The following QTMAN variants were observed in gnomAD, a reference collection of about 807,000 sequenced individuals.
QTMAN encodes queuosine-tRNA mannosyltransferase, also known as tRNA-queuosine alpha-mannosyltransferase.
the QTMAN span, chr2:143,957,340 CTT>C: frequency 6.4e-7 from 1 of 1,573,854 alleles, no homozygotes; most frequent in East Asian, 2.2e-5. Context: ...GAAAAAATAT[CTT>C]TTAAAAACAA....
chr2:144,046,293 T>C, the QTMAN span, among the ~76,000 whole-genome samples: 1 of 152,218 alleles, frequency 6.6e-6, no homozygotes, highest in African/African-American at 2.4e-5. Flanking sequence ...CAAAAGGAAA[T>C]AGCTAAATAA....
chr2:144,332,182 T>TG, the QTMAN span, among the ~76,000 whole-genome samples: 152,122 of 152,124 alleles, frequency 1, 76,060 homozygotes, highest in Middle Eastern at 1. Context: ...TGCCACGGCG[T>TG]GACGCCCCAT....
chr2:144,089,420 T>A, the QTMAN span, among the ~76,000 whole-genome samples: 1 of 152,008 alleles, frequency 6.6e-6, no homozygotes, highest in African/African-American at 2.4e-5. Context: ...GAATTACCAT[T>A]TAATTGAGCA....
the QTMAN span, among the ~76,000 whole-genome samples, chr2:144,097,952 G>C: frequency 6.6e-6 from 1 of 152,092 alleles, no homozygotes; most frequent in Admixed American, 6.5e-5. Flanking sequence ...TCCTCCATGC[G>C]GTCTGAAGGC....
At chr2:144,002,022 G>A in the QTMAN span, among the ~76,000 whole-genome samples, 1 of 151,938 alleles carries the variant, frequency 6.6e-6, no homozygotes, top group South Asian at 2.1e-4. Context: ...TTTTCATAAG[G>A]ATAACTAAAG....
chr2:143,950,579 G>GA, the QTMAN span, among the ~76,000 whole-genome samples: 1 of 151,476 alleles, frequency 6.6e-6, no homozygotes, highest in African/African-American at 2.4e-5. Context: ...TCCAAAGAGG[G>GA]AAAAAATCAA....
chr2:144,128,424 T>C, the QTMAN span: 1 of 152,092 alleles, frequency 6.6e-6, no homozygotes, highest in Non-Finnish European at 1.5e-5. Flanking sequence ...TTATTTTCAG[T>C]GAAAAATAGC....
chr2:144,216,200 A>G, the QTMAN span, among the ~76,000 whole-genome samples: 7 of 152,158 alleles, frequency 4.6e-5, no homozygotes, highest in Non-Finnish European at 8.8e-5. Flanking sequence ...CTGCTCATGA[A>G]TCACCATTTC....
chr2:144,160,452 C>G, the QTMAN span, among the ~76,000 whole-genome samples: 1 of 152,092 alleles, frequency 6.6e-6, no homozygotes, highest in African/African-American at 2.4e-5. Flanking sequence ...AACTGAGGCT[C>G]AGAAAGGATG....
the QTMAN span, among the ~76,000 whole-genome samples, chr2:144,275,127 G>C: frequency 6.6e-6 from 1 of 152,192 alleles, no homozygotes; most frequent in East Asian, 1.9e-4. Context: ...GCTCACGTCT[G>C]TAATCCCAGC....
chr2:144,052,217 C>G, the QTMAN span, among the ~76,000 whole-genome samples: 1 of 152,116 alleles, frequency 6.6e-6, no homozygotes, highest in African/African-American at 2.4e-5. Context: ...TATATGGAAA[C>G]TTGGAAATGA....
At chr2:144,240,684 C>T in the QTMAN span, among the ~76,000 whole-genome samples, 1 of 152,200 alleles carries the variant, frequency 6.6e-6, no homozygotes, top group African/African-American at 2.4e-5. Context: ...TTGATGAAGG[C>T]ATTCAGGATA....
At chr2:143,970,641 C>A in the QTMAN span, 5 of 1,369,310 alleles carry the variant, frequency 3.7e-6, no homozygotes, top group Non-Finnish European at 5.2e-6. Flanking sequence ...TTAGAAAATT[C>A]AACAGAGGTA....
At chr2:144,316,530 T>C in the QTMAN span, among the ~76,000 whole-genome samples, 1 of 152,206 alleles carries the variant, frequency 6.6e-6, no homozygotes, top group African/African-American at 2.4e-5. Flanking sequence ...TAGCAGTTTC[T>C]TTGGTAGCTC....
chr2:144,214,139 T>A, the QTMAN span, among the ~76,000 whole-genome samples: 1 of 152,170 alleles, frequency 6.6e-6, no homozygotes, highest in African/African-American at 2.4e-5. Context: ...CCTAACAGAA[T>A]CTATTAAGAG....
the QTMAN span, among the ~76,000 whole-genome samples, chr2:144,129,683 A>T: frequency 6.6e-6 from 1 of 152,058 alleles, no homozygotes; most frequent in Non-Finnish European, 1.5e-5. Flanking sequence ...ACCATCATTC[A>T]TCACCCATGT....
At chr2:143,975,840 T>C in the QTMAN span, among the ~76,000 whole-genome samples, 1 of 152,186 alleles carries the variant, frequency 6.6e-6, no homozygotes, top group Non-Finnish European at 1.5e-5. Context: ...GAGAGAAATA[T>C]AGTTGGGTTG....
the QTMAN span, among the ~76,000 whole-genome samples, chr2:143,994,453 A>G: frequency 1.3e-5 from 2 of 152,196 alleles, no homozygotes; most frequent in African/African-American, 4.8e-5. Context: ...TACCAAGAGC[A>G]TTATTCTTAA....
chr2:143,984,338 T>C, the QTMAN span, among the ~76,000 whole-genome samples: 1 of 152,004 alleles, frequency 6.6e-6, no homozygotes, highest in East Asian at 1.9e-4. Context: ...GAAGAACAAA[T>C]AGATGTGCAG....
Sources: allele counts gnomAD v4.1 joint callset (sites outside exome capture counted in the v4.1 genomes callset), GRCh38; gene constraint gnomAD v4.1.1; transcripts MANE v1.5; gene names NCBI Gene and HGNC (gene_info 2026-07-23, HGNC 2026-07-21).